The following CPVL variants were observed in gnomAD, a reference collection of about 807,000 sequenced individuals.
The protein encoded by CPVL is probable serine carboxypeptidase CPVL.
A neutral mutation model predicts 63.7 loss-of-function variants in CPVL; 51 were observed. The observed-to-expected ratio is 0.80, with a 90% CI of 0.64 to 1.01. The LOEUF (loss-of-function observed/expected upper bound fraction) is 1.01, where lower values mean the gene tolerates loss of function less well. Among genes scored for constraint, CPVL ranks in the 50% least tolerant of loss-of-function variants. CPVL has a pLI of 0.00. For synonymous variants in CPVL, 195 were observed against 206.0 expected, an observed-to-expected ratio of 0.95 and a Z score of 0.46; for missense variants, 530 against 573.1, an observed-to-expected ratio of 0.92 and a Z score of 0.77.
At chr7:29,125,265 C>G (rs1260520054) in intron 1 of CPVL, among the ~76,000 whole-genome samples, 2 of 152,166 alleles carry the variant, frequency 1.3e-5, no homozygotes, top group Non-Finnish European at 1.5e-5. Context: ...GGTCCAGTTC[C>G]TTCATCTTCA....
chr7:29,141,413 G>A (rs1230271159), intron 1 of CPVL, among the ~76,000 whole-genome samples: 1 of 151,934 alleles, frequency 6.6e-6, no homozygotes, highest in African/African-American at 2.4e-5. Context: ...AGCTGGGCAT[G>A]GTAGCACATG....
chr7:29,066,631 T>G (rs117072898), intron 9 of CPVL, among the ~76,000 whole-genome samples: 8 of 152,278 alleles, frequency 5.3e-5, no homozygotes, highest in East Asian at 3.9e-4. Flanking sequence ...AGGCCTTGCC[T>G]ATGGGAGTAA....
chr7:29,022,177 G>C (rs1787058965), intron 12 of CPVL, among the ~76,000 whole-genome samples: 1 of 152,068 alleles, frequency 6.6e-6, no homozygotes, highest in Admixed American at 6.5e-5. Context: ...ACTGTCCAAG[G>C]ACCTGAGGAC....
intron 3 of CPVL, among the ~76,000 whole-genome samples, chr7:29,102,491 A>C (rs1263103117): frequency 1.3e-5 from 2 of 152,346 alleles, no homozygotes; most frequent in African/African-American, 4.8e-5. Context: ...CTACATATTT[A>C]AGAAGAAAAT....
At chr7:29,191,186 C>T (rs752454663) in intron 1 of CPVL, among the ~76,000 whole-genome samples, 13 of 152,304 alleles carry the variant, frequency 8.5e-5, no homozygotes, top group South Asian at 2.1e-4. Context: ...CCCACCTCAA[C>T]TTACTGAGTC....
intron 6 of CPVL, among the ~76,000 whole-genome samples, chr7:29,088,619 A>G (rs578179294): frequency 6.6e-6 from 1 of 152,344 alleles, no homozygotes; most frequent in Non-Finnish European, 1.5e-5. Context: ...CATGGTGAGC[A>G]TTTTCTAGAA....
At chr7:29,163,338 A>G (rs1795455721) in intron 5 of CPVL, among the ~76,000 whole-genome samples, 1 of 152,110 alleles carries the variant, frequency 6.6e-6, no homozygotes, top group Admixed American at 6.5e-5. Flanking sequence ...AATACTCTAT[A>G]TTGAATTAAG....
At chr7:29,066,832 T>C (rs2128568271) in intron 9 of CPVL, among the ~76,000 whole-genome samples, 1 of 152,314 alleles carries the variant, frequency 6.6e-6, no homozygotes, top group Non-Finnish European at 1.5e-5. Flanking sequence ...CCTCCAGCCA[T>C]TGTCAGCTGT....
chr7:29,121,244 A>C (rs921243197), intron 1 of CPVL, among the ~76,000 whole-genome samples, 173 bp from the exon 2 acceptor site: 5 of 152,160 alleles, frequency 3.3e-5, no homozygotes, highest in Non-Finnish European at 7.3e-5. Context: ...CTTACTCTTA[A>C]ATTCAAAGGC....
At chr7:29,094,256 G>A (rs1235391189) in intron 5 of CPVL, among the ~76,000 whole-genome samples, 1 of 151,696 alleles carries the variant, frequency 6.6e-6, no homozygotes, top group Non-Finnish European at 1.5e-5. Context: ...CAGGAGAATT[G>A]CTTCAACCTG....
At chr7:29,173,520 C>A (rs1433036286) in intron 5 of CPVL, among the ~76,000 whole-genome samples, 3 of 152,036 alleles carry the variant, frequency 2.0e-5, no homozygotes, top group African/African-American at 7.2e-5. Flanking sequence ...TTAAACTCAT[C>A]AGAGACTTGA....
upstream of CPVL, chr7:29,146,897 G>C: frequency 6.4e-7 from 1 of 1,551,214 alleles, no homozygotes; most frequent in East Asian, 2.4e-5. Flanking sequence ...AGTGGTGTTT[G>C]ATTCCCACTG....
intron 3 of CPVL, among the ~76,000 whole-genome samples, chr7:29,107,993 T>A (rs1379645843): frequency 6.6e-6 from 1 of 152,178 alleles, no homozygotes; most frequent in Non-Finnish European, 1.5e-5. Context: ...AGCGGTTCAT[T>A]TTCTCTCCAA....
At chr7:29,071,954 C>T (rs1453985525) in intron 8 of CPVL, 50 bp from the exon 9 acceptor site, 8 of 1,603,858 alleles carry the variant, frequency 5.0e-6, no homozygotes, top group Non-Finnish European at 6.8e-6. Flanking sequence ...GAGAAAGAGA[C>T]CTTAAGGAAG....
At chr7:29,123,570 C>T (rs1373441976) in intron 1 of CPVL, among the ~76,000 whole-genome samples, 19 of 97,840 alleles carry the variant, frequency 1.9e-4, no homozygotes, top group Non-Finnish European at 3.0e-4. Flanking sequence ...TGCCTGAAAT[C>T]AACAATCTTA....
intron 1 of CPVL, among the ~76,000 whole-genome samples, chr7:29,140,657 G>A (rs1043045064): frequency 6.6e-6 from 1 of 152,130 alleles, no homozygotes; most frequent in African/African-American, 2.4e-5. Context: ...AAAAAGCATT[G>A]AGGAAGCAGC....
At chr7:29,022,191 C>G (rs1787059929) in intron 12 of CPVL, among the ~76,000 whole-genome samples, 1 of 152,118 alleles carries the variant, frequency 6.6e-6, no homozygotes, top group South Asian at 2.1e-4. Flanking sequence ...TGAGGACAGG[C>G]CCATCTAGCC....
At chr7:29,019,744 A>G (rs1295222963) in intron 12 of CPVL, among the ~76,000 whole-genome samples, 2 of 152,234 alleles carry the variant, frequency 1.3e-5, no homozygotes, top group Admixed American at 1.3e-4. Context: ...TAAACCTCAC[A>G]GAGAATGCCT....
At chr7:29,032,287 G>A (rs1318516913) in intron 11 of CPVL, among the ~76,000 whole-genome samples, 1 of 152,056 alleles carries the variant, frequency 6.6e-6, no homozygotes, top group Non-Finnish European at 1.5e-5. Context: ...CAGTGGGACA[G>A]CAGTCAGACT....
Sources: gnomAD v4.1 joint callset for allele counts (sites outside exome capture counted in the v4.1 genomes callset) on GRCh38, gnomAD v4.1.1 for gene constraint, MANE v1.5 for transcripts, NCBI Gene and HGNC (gene_info 2026-07-23, HGNC 2026-07-21) for gene names.